Variants in CRAMP1 observed in about 807,000 individuals in gnomAD.
CRAMP1 encodes the protein protein cramped-like.
Under a neutral mutation model 115.4 loss-of-function variants are expected in CRAMP1, and 50 were observed. The ratio of observed to expected loss-of-function variants is 0.43; its 90% CI spans 0.35 to 0.55. CRAMP1 has a LOEUF of 0.55. Among genes scored for constraint, CRAMP1 ranks in the 20% least tolerant of loss-of-function variants. CRAMP1 has a pLI of 0.01. For missense variants in CRAMP1, 1,679 were observed against 1,721.7 expected, an observed-to-expected ratio of 0.98 and a Z score of 0.44; for synonymous variants, 866 against 745.4, an observed-to-expected ratio of 1.16 and a Z score of -2.64.
Position 1,665,070 on chromosome 16 carries a change from C to T in CRAMP1, c.2684C>T (p.Pro895Leu). ...KPLVVQRTLL[P>L]RPSENQSHNV... Reference sequence around the variant, plus strand: ...TTTTCCCCACAGAGAACACTGCTCCCTAGACCATCGGAAAACCAGTCCCAC... The same window carrying T: ...TTTTCCCCACAGAGAACACTGCTCCTTAGACCATCGGAAAACCAGTCCCAC... The change falls in exon 14 of 21, where the codon CCT becomes CTT. Residue 895 changes from proline (P) to leucine (L), a missense_variant. Around this residue, in one of 8 missense-constraint regions of CRAMP1, gnomAD observed 709 missense variants for 741.9 expected, o/e 0.96. Coordinates refer to ENST00000397412, the MANE Select transcript of CRAMP1 (RefSeq NM_020825.4). 1 of 1,611,658 alleles carries T rather than the reference C, an allele frequency of 6.2e-7. No individual in the cohort carries two copies. The highest frequency in any genetic ancestry group is 8.5e-7 in the Non-Finnish European group (1 of 1,177,792).
intron 8 of CRAMP1, among the ~76,000 whole-genome samples, chr16:1,653,541 A>G (rs1408091597): frequency 1.3e-5 from 2 of 152,232 alleles, no homozygotes; most frequent in African/African-American, 4.8e-5. Context: ...ATTTTAAAAA[A>G]TGAGGTGACC....
rs2036584505 is a variant in CRAMP1, at chr16:1,635,825, G to C, written c.695-1999G>C. On this transcript the variant is annotated intron_variant, in intron 4 of 20. Transcript: ENST00000397412. ...GAAACCCTGTGCCCCGGTGCTGGGA[G>C]CCCTCAGTTTACTACCTCCTGTCTC... 2.6e-5 allele frequency among the ~76,000 whole-genome samples: 4 copies of C among 152,212 alleles called. No individual in the cohort carries two copies. The South Asian group carries it at 8.3e-4, about 32-fold the overall frequency.
intron 6 of CRAMP1, among the ~76,000 whole-genome samples, chr16:1,652,078 A>G (rs8048687): frequency 0.019 from 2,904 of 152,298 alleles, 108 homozygotes; most frequent in African/African-American, 0.066. Context: ...CTGAGAGGTC[A>G]TGGGGAGGAG....
chr16:1,673,802 G>T (rs371869503), intron 20 of CRAMP1, 79 bp from the exon 21 acceptor site: 2 of 1,376,472 alleles, frequency 1.5e-6, no homozygotes, highest in Admixed American at 1.7e-5. Context: ...GGAGCTTCTC[G>T]TCCTGTTTCA....
chr16:1,651,896 C>T (rs2036727332), intron 6 of CRAMP1, among the ~76,000 whole-genome samples: 1 of 149,276 alleles, frequency 6.7e-6, no homozygotes, highest in Admixed American at 6.6e-5. Context: ...GGATTGAGGT[C>T]ACATGGAGGT....
At chr16:1,638,864 G>A (rs2036609887) in intron 5 of CRAMP1, among the ~76,000 whole-genome samples, 1 of 151,976 alleles carries the variant, frequency 6.6e-6, no homozygotes, top group Non-Finnish European at 1.5e-5. Flanking sequence ...GCAATCTAGT[G>A]TGGCATTTGT....
intron 20 of CRAMP1, among the ~76,000 whole-genome samples, 182 bp downstream of exon 20, chr16:1,670,991 C>G (rs539390990): frequency 6.6e-6 from 1 of 152,216 alleles, no homozygotes; most frequent in African/African-American, 2.4e-5. Flanking sequence ...GACGCTGGGC[C>G]GGCTCTCGTC....
Position 1,632,352 on chromosome 16 carries a change from C to T in CRAMP1, c.681C>T (p.Ile227=), listed in dbSNP as rs761969296. ...CCTGGCACAAGATCACCAAGTACAT[C>T]GACTTTGATCATGGTGAGTGTGCCA... ...YRTWHKITKY[I]DFDHVFSRGL... is the part of the protein sequence containing the mutation. The change falls in exon 4 of 21, where the codon ATC becomes ATT. Residue 227 remains isoleucine, a synonymous_variant. Coordinates refer to ENST00000397412, the MANE Select transcript of CRAMP1 (RefSeq NM_020825.4). 15 of 1,592,448 alleles carry T rather than the reference C, an allele frequency of 9.4e-6. No homozygotes were observed. Among genetic ancestry groups the T allele is most frequent in the South Asian group, 1.1e-5 (1 of 87,320 alleles).
intron 3 of CRAMP1, 78 bp downstream of exon 3, chr16:1,626,244 T>A: frequency 7.6e-7 from 1 of 1,316,766 alleles, no homozygotes; most frequent in Non-Finnish European, 1.0e-6. Flanking sequence ...CCGTGCTTCC[T>A]CTTTGCTGTT....
Position 1,632,323 on chromosome 16 carries a change from C to A in CRAMP1, c.652C>A (p.Arg218Ser). ...NKEQVRHFYY[R>S]TWHKITKYID... ...GGAGCAGGTCCGCCACTTCTACTAC[C>A]GCACCTGGCACAAGATCACCAAGTA... Residue 218 changes from arginine to serine, a missense_variant, in exon 4 of 21, where the codon CGC becomes AGC. Arg to Ser is a moderately radical substitution (Grantham distance 110, BLOSUM62 -1). This residue lies in a region of CRAMP1 where 44 missense variants were observed against 92.4 expected (regional missense o/e 0.48). Transcript: ENST00000397412. 1 of 1,600,748 alleles carries A rather than the reference C, an allele frequency of 6.2e-7. No individual in the cohort carries two copies. The highest frequency in any genetic ancestry group is 1.3e-5 in the African/African-American group (1 of 74,746).
intron 1 of CRAMP1, among the ~76,000 whole-genome samples, chr16:1,612,948 G>C (rs534225158): frequency 1.3e-5 from 2 of 152,224 alleles, no homozygotes; most frequent in South Asian, 4.1e-4. Flanking sequence ...TCTGGACGGC[G>C]TCGGTCCTTT....
intron 6 of CRAMP1, among the ~76,000 whole-genome samples, chr16:1,648,955 A>C (rs888341306): frequency 2.6e-5 from 4 of 151,942 alleles, no homozygotes; most frequent in African/African-American, 9.7e-5. Flanking sequence ...GCTACTTGGG[A>C]TGCTGAGGTA....
In CRAMP1 at chr16:1,662,650, C is replaced by G. The variant is rs1400634608; in HGVS notation, c.2574C>G (p.Arg858=). 1 of 1,614,058 alleles carries G rather than the reference C, an allele frequency of 6.2e-7. No individual in the cohort carries two copies. Among genetic ancestry groups the G allele is most frequent in the Admixed American group, 1.7e-5 (1 of 60,018 alleles). Residue 858 remains arginine (R), a synonymous_variant, in exon 12 of 21, where the codon CGC becomes CGG. Coordinates refer to ENST00000397412, the MANE Select transcript of CRAMP1 (RefSeq NM_020825.4). ...GTAAAGAAGCAGAGCTGACTTTCCGCCAGCATCTGAACTCCATCAGTGTGA... is the reference window on the plus strand; with the variant it reads ...GTAAAGAAGCAGAGCTGACTTTCCGGCAGCATCTGAACTCCATCAGTGTGA... ...SPSKEAELTF[R]QHLNSISMQS...
chr16:1,638,039 A>G, intron 5 of CRAMP1, 132 bp downstream of exon 5: 1 of 471,330 alleles, frequency 2.1e-6, no homozygotes, highest in Non-Finnish European at 3.8e-6. Flanking sequence ...AGAGGTGAAG[A>G]ATATGATGGC....
At chr16:1,626,827 C>G (rs1032216963) in intron 3 of CRAMP1, among the ~76,000 whole-genome samples, 1 of 152,144 alleles carries the variant, frequency 6.6e-6, no homozygotes, top group Non-Finnish European at 1.5e-5. Flanking sequence ...TGTAAATATT[C>G]TCCTTGCCTG....
rs1181920235 is a variant in CRAMP1 at position 1,675,319 on chromosome 16, C to T, written c.*1274C>T. ...ACCGTCCATCCACATCCAGTGTGGC[C>T]TGGAGCTGCTACAGAGGTGTTGGGC... is the stretch of plus-strand genomic sequence containing the variant. On this transcript the variant is annotated 3_prime_UTR_variant, in exon 21 of 21. Transcript: ENST00000397412. The T allele has an allele frequency of 6.6e-6, 1 of 152,318 alleles. No homozygotes were observed. Among genetic ancestry groups the T allele is most frequent in the Admixed American group, 6.5e-5 (1 of 15,292 alleles). 9.4% of individuals were successfully genotyped at this position (152,318 alleles called of 1,614,324 possible). A position where few individuals can be genotyped will look rare whatever the true frequency, so the allele number is the denominator to read the frequency against.
chr16:1,646,072 C>T (rs1041435701), intron 6 of CRAMP1, among the ~76,000 whole-genome samples: 3 of 152,192 alleles, frequency 2.0e-5, no homozygotes, highest in Admixed American at 6.5e-5. Flanking sequence ...AGTATGCCCT[C>T]GAGGCTCTTC....
rs371683187 is a variant in CRAMP1, at chr16:1,655,258, C to T, written c.1077C>T (p.Ile359=). 5.2e-5 allele frequency: 84 copies of T among 1,613,882 alleles called. No homozygotes were observed. The highest frequency in any genetic ancestry group is 4.0e-4 in the East Asian group (18 of 44,896). Residue 359 remains isoleucine (I), a synonymous_variant, in exon 9 of 21, where the codon ATC becomes ATT. Coordinates refer to ENST00000397412, the MANE Select transcript of CRAMP1 (RefSeq NM_020825.4). ...TACATCGAAAGGTCTCCAGCCTCAT[C>T]GAATTCTTGAAGCAGAAGTGGGCGC... ...VELHRKVSSL[I]EFLKQKWALH...
intron 8 of CRAMP1, among the ~76,000 whole-genome samples, chr16:1,654,471 C>CG (rs2036752347): frequency 6.6e-6 from 1 of 152,222 alleles, no homozygotes; most frequent in Non-Finnish European, 1.5e-5. Context: ...TTCGGCCTCC[C>CG]AAAGTGTTGG....
Sources: allele counts gnomAD v4.1 joint callset (sites outside exome capture counted in the v4.1 genomes callset), GRCh38; gene constraint gnomAD v4.1.1; regional missense constraint gnomAD v4.1.1; transcripts MANE v1.5; gene names NCBI Gene and HGNC (gene_info 2026-07-23, HGNC 2026-07-21).